Variants in GXYLT1 observed in about 807,000 individuals in gnomAD.
GXYLT1 encodes glycosyltransferase 8 domain containing 3.
In GXYLT1, 29 loss-of-function variants were observed where a neutral mutation model predicts 54.0. The observed-to-expected ratio is 0.54, with a 90% CI of 0.40 to 0.73. GXYLT1 has a LOEUF of 0.73. GXYLT1 is among the 30% of genes least tolerant of loss of function. The pLI is 0.00. For synonymous variants in GXYLT1, 176 were observed against 204.1 expected (o/e 0.86, Z 1.17); for missense variants, 490 against 553.4 (o/e 0.89, Z 1.15).
At chr12:42,093,240 G>C (rs2065338528) in intron 7 of GXYLT1, among the ~76,000 whole-genome samples, 2 of 152,170 alleles carry the variant, frequency 1.3e-5, no homozygotes, top group South Asian at 4.1e-4. Flanking sequence ...TGGGATTACA[G>C]GCACGTGCCA....
At chr12:42,128,198 G>T (rs1460950121) in intron 2 of GXYLT1, among the ~76,000 whole-genome samples, 1 of 152,098 alleles carries the variant, frequency 6.6e-6, no homozygotes, top group Non-Finnish European at 1.5e-5. Context: ...GCACAGCAAG[G>T]TGTCTACAGA....
intron 3 of GXYLT1, among the ~76,000 whole-genome samples, chr12:42,115,440 T>C (rs2065487907): frequency 6.6e-6 from 1 of 152,190 alleles, no homozygotes; most frequent in Admixed American, 6.5e-5. Flanking sequence ...ATTCTCAGGA[T>C]ACAAAATCAA....
intron 1 of GXYLT1, among the ~76,000 whole-genome samples, chr12:42,136,664 A>G (rs1413242092): frequency 2.0e-5 from 3 of 152,288 alleles, no homozygotes; most frequent in African/African-American, 7.2e-5. Context: ...GGGTGGTTAC[A>G]TGTATTTACA....
rs1264747276 is a variant in GXYLT1 at position 42,082,561 on chromosome 12, C to T, written c.*5225G>A. The T allele has an allele frequency of 6.6e-6, 1 of 152,200 alleles. No individual in the cohort carries two copies. The highest frequency in any genetic ancestry group is 1.5e-5 in the Non-Finnish European group (1 of 68,052). The allele number at this position is 152,200 out of a possible 1,614,324, so 9.4% of individuals were successfully genotyped here. ...TGGTGCAATCTTGGCTCTCTGCAGCCTCAAACTCTTGCACTCAAGCAATCC... is the reference window on the plus strand; with the variant it reads ...TGGTGCAATCTTGGCTCTCTGCAGCTTCAAACTCTTGCACTCAAGCAATCC... On this transcript the variant is annotated 3_prime_UTR_variant, in exon 8 of 8. Transcript: ENST00000398675.
rs2065270055 is a variant in GXYLT1, at chr12:42,084,010, A to G, written c.*3776T>C. ...AAAAGACATAAAATGTTGAATTGGC[A>G]CTAAATGATCAGTGAGTAGGGTGAT... On this transcript the variant is annotated 3_prime_UTR_variant, in exon 8 of 8. Coordinates refer to ENST00000398675, the MANE Select transcript of GXYLT1 (RefSeq NM_173601.2). 2 of 152,014 alleles carry G rather than the reference A, an allele frequency of 1.3e-5. No homozygotes were observed. Among genetic ancestry groups the G allele is most frequent in the East Asian group, 1.9e-4 (1 of 5,188 alleles). 9.4% of individuals were successfully genotyped at this position (152,014 alleles called of 1,614,324 possible).
intron 1 of GXYLT1, among the ~76,000 whole-genome samples, chr12:42,138,047 C>G (rs2065630760): frequency 1.3e-5 from 2 of 152,144 alleles, no homozygotes; most frequent in South Asian, 4.1e-4. Context: ...GCAGGCAGAT[C>G]ACCTGAGGTC....
chr12:42,121,244 G>A (rs2136907676), intron 2 of GXYLT1, among the ~76,000 whole-genome samples: 1 of 152,324 alleles, frequency 6.6e-6, no homozygotes, highest in Non-Finnish European at 1.5e-5. Context: ...CAAAGGCCAA[G>A]AGAAGATTTT....
intron 1 of GXYLT1, among the ~76,000 whole-genome samples, chr12:42,131,157 A>G (rs756728873): frequency 1.6e-4 from 25 of 152,212 alleles, no homozygotes; most frequent in Non-Finnish European, 2.4e-4. Flanking sequence ...CATTACAAAA[A>G]AATTGTTTTT....
At chr12:42,110,757 GCTCCACTTATTAATCACTTAAAGAT>G (rs2136895203) in intron 3 of GXYLT1, among the ~76,000 whole-genome samples, 1 of 152,258 alleles carries the variant, frequency 6.6e-6, no homozygotes, top group African/African-American at 2.4e-5. Flanking sequence ...TCATTTCCCT[GCTCCACTTATTAATCACTTAAAGAT>G]CTTTTCAATA....
chr12:42,144,371 C>T, intron 1 of GXYLT1, 55 bp downstream of exon 1: 4 of 1,218,416 alleles, frequency 3.3e-6, no homozygotes, highest in South Asian at 1.7e-5. Flanking sequence ...CTAGGCCGAG[C>T]CCGCGCCCAG....
intron 1 of GXYLT1, among the ~76,000 whole-genome samples, chr12:42,135,621 G>A (rs1209928578): frequency 6.6e-6 from 1 of 152,176 alleles, no homozygotes; most frequent in Non-Finnish European, 1.5e-5. Context: ...ACTATTATTT[G>A]TCCATAAAAA....
intron 7 of GXYLT1, among the ~76,000 whole-genome samples, chr12:42,089,683 A>C (rs1260615163): frequency 1.3e-5 from 2 of 152,224 alleles, no homozygotes; most frequent in African/African-American, 2.4e-5. Flanking sequence ...TAACCACCAG[A>C]CAGCACTACT....
At chr12:42,129,677 C>A in intron 2 of GXYLT1, 82 bp downstream of exon 2, 1 of 799,584 alleles carries the variant, frequency 1.3e-6, no homozygotes, top group Non-Finnish European at 2.1e-6. Context: ...AAGAAACATT[C>A]TTACATCCTA....
At chr12:42,128,263 C>CA (rs563256540) in intron 2 of GXYLT1, among the ~76,000 whole-genome samples, 2 of 151,004 alleles carry the variant, frequency 1.3e-5, no homozygotes, top group Non-Finnish European at 3.0e-5. Flanking sequence ...GTGCCCATTA[C>CA]AAAAAAAAGA....
At chr12:42,090,351 A>G (rs1423205646) in intron 7 of GXYLT1, among the ~76,000 whole-genome samples, 4 of 152,186 alleles carry the variant, frequency 2.6e-5, no homozygotes, top group Non-Finnish European at 5.9e-5. Flanking sequence ...CCTTTCCCAG[A>G]GGCCACACGT....
intron 5 of GXYLT1, among the ~76,000 whole-genome samples, chr12:42,104,255 A>ATTTTTTTTTTTTT (rs11390703): frequency 6.7e-6 from 1 of 149,004 alleles, no homozygotes. Flanking sequence ...GAGAAGTCAC[A>ATTTTTTTTTTTTT]TTTTTTTTTT....
intron 7 of GXYLT1, among the ~76,000 whole-genome samples, chr12:42,088,388 A>C (rs576214267): frequency 2.3e-4 from 35 of 152,306 alleles, no homozygotes; most frequent in African/African-American, 7.9e-4. Flanking sequence ...GGAGGAATGT[A>C]AGATGATAAC....
rs149264432 is a variant in GXYLT1, at chr12:42,113,201, A to G, written c.487-3510T>C. Among the ~76,000 whole-genome samples the G allele has an allele frequency of 2.9e-3, 446 of 151,202 alleles. 22 individuals carry two copies. Among genetic ancestry groups the G allele is most frequent in the African/African-American group, 9.8e-3 (399 of 40,522 alleles). On this transcript the variant is annotated intron_variant, in intron 3 of 7. Transcript: ENST00000398675. ...CATGCCAAAATGTAAAGACCATCAA[A>G]GCTAGGAAGAAACTACATGAACTAA...
intron 2 of GXYLT1, among the ~76,000 whole-genome samples, chr12:42,128,819 C>T (rs1451349924): frequency 1.3e-5 from 2 of 151,964 alleles, no homozygotes; most frequent in East Asian, 3.9e-4. Context: ...CAAGCCAGCG[C>T]ATGCCACCAT....
Sources: gnomAD v4.1 joint callset for allele counts (sites outside exome capture counted in the v4.1 genomes callset) on GRCh38, gnomAD v4.1.1 for gene constraint, MANE v1.5 for transcripts, NCBI Gene and HGNC (gene_info 2026-07-23, HGNC 2026-07-21) for gene names.